DYRK1A: variants seen among roughly 807,000 people sequenced by gnomAD.
DYRK1A encodes the protein dual specificity tyrosine phosphorylation regulated kinase 1A.
A neutral mutation model predicts 79.7 loss-of-function variants in DYRK1A; 9 were observed. The ratio of observed to expected loss-of-function variants is 0.11; its 90% CI spans 0.07 to 0.20. DYRK1A has a LOEUF of 0.20. Ranked by LOEUF, DYRK1A falls within the 10% of genes least tolerant of loss-of-function variation. The pLI, the probability that DYRK1A is intolerant of heterozygous loss-of-function variation, is 1.00. For missense variants in DYRK1A, 622 were observed against 956.0 expected, an observed-to-expected ratio of 0.65 and a Z score of 4.61; for synonymous variants, 349 against 329.7, an observed-to-expected ratio of 1.06 and a Z score of -0.63.
intron 9 of DYRK1A, chr21:37,501,182 T>TTTTTTTTTTTTTTTTG (rs1569392809): frequency 3.5e-4 from 50 of 143,758 alleles, no homozygotes; most frequent in African/African-American, 1.3e-3. Flanking sequence ...TTTTTTTTTT[T>TTTTTTTTTTTTTTTTG]TTTTTTTAAG....
At chr21:37,382,800 C>T (rs934822612) in intron 1 of DYRK1A, among the ~76,000 whole-genome samples, 9 of 151,986 alleles carry the variant, frequency 5.9e-5, no homozygotes, top group African/African-American at 2.2e-4. Context: ...CCGTGTTTAC[C>T]TCCAGATAAT....
intron 4 of DYRK1A, among the ~76,000 whole-genome samples, chr21:37,479,589 G>GTTTTGTTTTTGTTTTTGTTTTTGT (rs1219075281): frequency 2.7e-5 from 2 of 74,382 alleles, no homozygotes; most frequent in African/African-American, 1.1e-4. Flanking sequence ...CAGTGTTGGT[G>GTTTTGTTTTTGTTTTTGTTTTTGT]TTTTGTTTTT....
intron 1 of DYRK1A, among the ~76,000 whole-genome samples, chr21:37,413,350 CAACT>C (rs1329423734): frequency 6.6e-6 from 1 of 151,986 alleles, no homozygotes; most frequent in Non-Finnish European, 1.5e-5. Context: ...TACATATAAC[CAACT>C]AAGTATATGT....
At chr21:37,400,350 T>A (rs1007127526) in intron 1 of DYRK1A, among the ~76,000 whole-genome samples, 1 of 152,186 alleles carries the variant, frequency 6.6e-6, no homozygotes, top group African/African-American at 2.4e-5. Context: ...AAAACATTTA[T>A]AGGTTTCACA....
At chr21:37,472,472 A>G (rs1002882242) in intron 2 of DYRK1A, among the ~76,000 whole-genome samples, 2 of 152,252 alleles carry the variant, frequency 1.3e-5, no homozygotes, top group Non-Finnish European at 2.9e-5. Flanking sequence ...GATTTTCTCA[A>G]TACAAGTTTA....
At chr21:37,502,418 TC>T (rs2053477655) in intron 9 of DYRK1A, 1 of 152,188 alleles carries the variant, frequency 6.6e-6, no homozygotes, top group South Asian at 2.1e-4. Flanking sequence ...TTTTACTTAT[TC>T]CTCTATGTGT....
At chr21:37,488,523 A>T in intron 6 of DYRK1A, 1 of 941,056 alleles carries the variant, frequency 1.1e-6, no homozygotes, top group Non-Finnish European at 1.3e-6. Flanking sequence ...GCCATGGTCT[A>T]GTTAAAAGAA....
At chr21:37,477,363 C>T (rs1336462602) in intron 3 of DYRK1A, among the ~76,000 whole-genome samples, 3 of 152,136 alleles carry the variant, frequency 2.0e-5, no homozygotes, top group African/African-American at 4.8e-5. Flanking sequence ...GCAAGAACCC[C>T]CATTGGGAAT....
chr21:37,373,609 A>T (rs1451896035), intron 1 of DYRK1A, among the ~76,000 whole-genome samples: 1 of 152,194 alleles, frequency 6.6e-6, no homozygotes, highest in Non-Finnish European at 1.5e-5. Context: ...CATTTTCTTC[A>T]TAGTACAAGG....
intron 2 of DYRK1A, among the ~76,000 whole-genome samples, chr21:37,457,946 T>G (rs2148518669): frequency 6.6e-6 from 1 of 152,348 alleles, no homozygotes; most frequent in African/African-American, 2.4e-5. Context: ...TGAAACTTAG[T>G]AACACCTTCA....
At chr21:37,442,843 TTTTTG>T (rs1324425188) in intron 2 of DYRK1A, among the ~76,000 whole-genome samples, 1 of 152,156 alleles carries the variant, frequency 6.6e-6, no homozygotes, top group Non-Finnish European at 1.5e-5. Flanking sequence ...CTGTTTCTGT[TTTTTG>T]TTTTGAGACA....
At chr21:37,478,111 T>C (rs1248030688) in intron 3 of DYRK1A, 97 bp from the exon 4 acceptor site, 1 of 1,521,470 alleles carries the variant, frequency 6.6e-7, no homozygotes, top group Non-Finnish European at 8.9e-7. Flanking sequence ...AAAAAGTAGA[T>C]ACATGCAGGT....
At chr21:37,482,043 C>T (rs1044820571) in intron 5 of DYRK1A, among the ~76,000 whole-genome samples, 6 of 152,188 alleles carry the variant, frequency 3.9e-5, no homozygotes, top group African/African-American at 1.2e-4. Flanking sequence ...TTTGACTTTT[C>T]GATGATGAGG....
At chr21:37,464,481 AT>A (rs1165422236) in intron 2 of DYRK1A, among the ~76,000 whole-genome samples, 3 of 152,190 alleles carry the variant, frequency 2.0e-5, no homozygotes, top group African/African-American at 7.2e-5. Context: ...CACATGCATG[AT>A]TTTCTCCAAC....
intron 2 of DYRK1A, among the ~76,000 whole-genome samples, chr21:37,445,011 C>T (rs1433936915): frequency 6.6e-6 from 1 of 152,058 alleles, no homozygotes; most frequent in South Asian, 2.1e-4. Context: ...AACTGGGACA[C>T]CTAAAAGTTA....
chr21:37,384,741 A>C lies in DYRK1A; in HGVS notation c.-77+17113A>C, dbSNP rs143217364. ...AGGGTTGACAGACAAGGATATTAAA[A>C]CAGTTATTGTATTTCATATGTTCTG... On this transcript the variant is annotated intron_variant, in intron 1 of 11. Coordinates refer to ENST00000647188, the MANE Select transcript of DYRK1A (RefSeq NM_001347721.2). Among the ~76,000 whole-genome samples the C allele has an allele frequency of 8.9e-4, 136 of 152,290 alleles. 1 individual carries two copies. Among genetic ancestry groups the C allele is most frequent in the African/African-American group, 3.1e-3 (129 of 41,552 alleles).
At chr21:37,379,682 C>T (rs954198858) in intron 1 of DYRK1A, among the ~76,000 whole-genome samples, 2 of 152,170 alleles carry the variant, frequency 1.3e-5, no homozygotes, top group African/African-American at 4.8e-5. Context: ...AAGGTTGTAT[C>T]ATAATTCATG....
chr21:37,429,832 C>T (rs1370584709), intron 2 of DYRK1A, among the ~76,000 whole-genome samples: 1 of 152,162 alleles, frequency 6.6e-6, no homozygotes, highest in Non-Finnish European at 1.5e-5. Flanking sequence ...GTCAGTTTTC[C>T]TTTTCCTCGT....
Position 37,418,419 on chromosome 21 carries a change from T to C in DYRK1A, c.-76-1880T>C, listed in dbSNP as rs1895107584. ...TAATGAAATCTAATTTCTAACAATTTTTAATAAAGAATACTGATAATTGAT... is the reference window on the plus strand; with the variant it reads ...TAATGAAATCTAATTTCTAACAATTCTTAATAAAGAATACTGATAATTGAT... On this transcript the variant is annotated intron_variant, in intron 1 of 11. Transcript: ENST00000647188. 2.6e-5 allele frequency among the ~76,000 whole-genome samples: 4 copies of C among 152,214 alleles called. No individual in the cohort carries two copies. In the South Asian group the frequency reaches 8.3e-4, roughly 31 times the overall value.
Sources: allele counts gnomAD v4.1 joint callset (sites outside exome capture counted in the v4.1 genomes callset), GRCh38; gene constraint gnomAD v4.1.1; transcripts MANE v1.5; gene names NCBI Gene and HGNC (gene_info 2026-07-23, HGNC 2026-07-21).